The following COL18A1 variants were observed in gnomAD, a reference collection of about 807,000 sequenced individuals.
The protein encoded by COL18A1 is collagen alpha-1(XVIII) chain.
In COL18A1, 133 loss-of-function variants were observed where a neutral mutation model predicts 168.0. That is an observed-to-expected ratio of 0.79 (90% CI 0.69 to 0.91). COL18A1 has a LOEUF of 0.91. Ranked by LOEUF, COL18A1 falls within the 40% of genes least tolerant of loss-of-function variation. The pLI is 0.00. For missense variants in COL18A1, 2,126 were observed against 1,925.4 expected (o/e 1.10, Z -1.95); for synonymous variants, 949 against 809.0 (o/e 1.17, Z -2.94).
intron 8 of COL18A1, 56 bp downstream of exon 8, chr21:45,478,021 A>G: frequency 1.0e-6 from 1 of 982,960 alleles, no homozygotes; most frequent in South Asian, 1.4e-5. Flanking sequence ...GGGCTTGGGT[A>G]GGAGGGGGAG....
chr21:45,485,149 ATTTTTT>A (rs751718038), intron 15 of COL18A1, among the ~76,000 whole-genome samples: 6 of 55,084 alleles, frequency 1.1e-4, no homozygotes, highest in Non-Finnish European at 1.7e-4. Flanking sequence ...CACCTGGCTA[ATTTTTT>A]TTTTTTTTTT....
intron 2 of COL18A1, among the ~76,000 whole-genome samples, chr21:45,449,845 C>G (rs1008487846): frequency 2.0e-5 from 3 of 149,452 alleles, no homozygotes; most frequent in African/African-American, 7.4e-5. Flanking sequence ...GAGGTCCCGG[C>G]CAAGCAGCAG....
chr21:45,452,748 G>C (rs187203728), intron 2 of COL18A1, among the ~76,000 whole-genome samples: 33 of 151,736 alleles, frequency 2.2e-4, no homozygotes, highest in African/African-American at 8.0e-4. Context: ...ATATGTACGT[G>C]TGATTGTGTA....
chr21:45,477,549 C>T (rs979415470), intron 7 of COL18A1, 62 bp downstream of exon 7: 6 of 1,489,168 alleles, frequency 4.0e-6, no homozygotes, highest in African/African-American at 1.4e-5. Context: ...GCCTTTTGGG[C>T]CACTCACTGG....
rs993941169 is a variant in COL18A1, at chr21:45,443,251, G to A, written c.107-24991G>A. ...AGGTGCTTACCCCATGGCCCCAACCGGCACAAGTGTGGCTGTCACAGCTGG... is the reference window on the plus strand; with the variant it reads ...AGGTGCTTACCCCATGGCCCCAACCAGCACAAGTGTGGCTGTCACAGCTGG... On this transcript the variant is annotated intron_variant, in intron 2 of 41. Coordinates refer to ENST00000651438, the MANE Select transcript of COL18A1 (RefSeq NM_001379500.1). The surrounding 1 kb of genome is among the most constrained non-coding windows in gnomAD (Gnocchi z 5.2). 2.0e-5 allele frequency among the ~76,000 whole-genome samples: 3 copies of A among 152,080 alleles called. No homozygotes were observed. Among genetic ancestry groups the A allele is most frequent in the African/African-American group, 4.8e-5 (2 of 41,356 alleles).
At chr21:45,504,167 G>A in intron 33 of COL18A1, 113 bp downstream of exon 33, 2 of 1,259,138 alleles carry the variant, frequency 1.6e-6, no homozygotes, top group Non-Finnish European at 2.3e-6. Flanking sequence ...GTTCAGCCCT[G>A]CGAGGGGCGC....
intron 2 of COL18A1, among the ~76,000 whole-genome samples, chr21:45,433,850 G>T (rs2034028394): frequency 6.6e-6 from 1 of 152,372 alleles, no homozygotes; most frequent in Non-Finnish European, 1.5e-5. Flanking sequence ...GAGGGGCTGT[G>T]GCATGGCATG....
intron 31 of COL18A1, among the ~76,000 whole-genome samples, 177 bp from the exon 32 acceptor site, chr21:45,497,422 T>C (rs1352394487): frequency 6.6e-6 from 1 of 152,210 alleles, no homozygotes; most frequent in East Asian, 1.9e-4. Context: ...CATGGCCTGC[T>C]GACGGGGACC....
chr21:45,492,764 C>T (rs772745595), intron 24 of COL18A1, 51 bp downstream of exon 24: 1 of 1,444,452 alleles, frequency 6.9e-7, no homozygotes, highest in Non-Finnish European at 9.6e-7. Context: ...GGAGGGGTCT[C>T]CACCTGGTAG....
chr21:45,449,575 G>T (rs1179855395), intron 2 of COL18A1, among the ~76,000 whole-genome samples: 1 of 152,146 alleles, frequency 6.6e-6, no homozygotes, highest in Non-Finnish European at 1.5e-5. Flanking sequence ...GGCTTATGGG[G>T]CACCCTGAGC....
intron 17 of COL18A1, among the ~76,000 whole-genome samples, chr21:45,488,018 A>C (rs144995845): frequency 9.3e-4 from 142 of 152,228 alleles, no homozygotes; most frequent in African/African-American, 3.4e-3. Flanking sequence ...AGGGGCCACA[A>C]GCTCCTTCCT....
intron 2 of COL18A1, chr21:45,456,653 G>A: frequency 2.0e-6 from 3 of 1,535,344 alleles, no homozygotes; most frequent in Non-Finnish European, 2.6e-6. Flanking sequence ...GGCGTGGGGG[G>A]GCCTGCTGCA....
intron 40 of COL18A1, 70 bp downstream of exon 40, chr21:45,510,331 G>A (rs977551159): frequency 5.1e-5 from 76 of 1,502,898 alleles, no homozygotes; most frequent in Middle Eastern, 1.7e-4. Context: ...AACTCCCAGC[G>A]GGGAGCTCCC....
intron 2 of COL18A1, among the ~76,000 whole-genome samples, chr21:45,448,241 G>A (rs977314111): frequency 1.3e-5 from 2 of 152,124 alleles, no homozygotes; most frequent in African/African-American, 4.8e-5. Flanking sequence ...GCAAACACTT[G>A]CCACATTTTT....
At chr21:45,481,202 G>A (rs2035880192) in intron 13 of COL18A1, among the ~76,000 whole-genome samples, 1 of 152,200 alleles carries the variant, frequency 6.6e-6, no homozygotes, top group Non-Finnish European at 1.5e-5. Flanking sequence ...AGCATTGCTG[G>A]AGGGCCAGGG....
rs1220531833 is a variant in COL18A1, at chr21:45,487,435, T to C, written c.1834-12T>C. 6.2e-7 allele frequency: 1 copy of C among 1,612,614 alleles called. No individual in the cohort carries two copies. The highest frequency in any genetic ancestry group is 8.5e-7 in the Non-Finnish European group (1 of 1,179,962). ...GACACAGGCCCCTACGTGTCTCGTGTGTCTCTTCCAGGATGACATGGAAGG... is the reference window on the plus strand; with the variant it reads ...GACACAGGCCCCTACGTGTCTCGTGCGTCTCTTCCAGGATGACATGGAAGG... On this transcript the variant is annotated splice_polypyrimidine_tract_variant and intron_variant, in intron 16 of 41. Transcript: ENST00000651438.
chr21:45,482,027 T>G lies in COL18A1; in HGVS notation c.1674+2T>G. 6.2e-7 allele frequency: 1 copy of G among 1,612,676 alleles called. No homozygotes were observed. The highest frequency in any genetic ancestry group is 8.5e-7 in the Non-Finnish European group (1 of 1,178,944). ...AGGACTGGGCAGAAAGGCAGCCTGGTAAGTCTTCCCTCGAGTCCAGGGTGA... is the reference window on the plus strand; with the variant it reads ...AGGACTGGGCAGAAAGGCAGCCTGGGAAGTCTTCCCTCGAGTCCAGGGTGA... On this transcript the variant is annotated splice_donor_variant, in intron 14 of 41. Transcript: ENST00000651438. LOFTEE classifies it high-confidence loss of function.
In COL18A1 at chr21:45,507,588, G is replaced by C. The variant is rs760778769; in HGVS notation, c.3244G>C (p.Gly1082Arg). The change falls in exon 38 of 42, where the codon GGG becomes CGG. Residue 1082 changes from glycine (G) to arginine (R), a missense_variant. Coordinates refer to ENST00000651438, the MANE Select transcript of COL18A1 (RefSeq NM_001379500.1). Reference sequence around the variant, plus strand: ...GGAGGCCCGGACACCACTCCCACGAGGGACGGTAAGGAGCCTTTTTTCTGT... The same window carrying C: ...GGAGGCCCGGACACCACTCCCACGACGGACGGTAAGGAGCCTTTTTTCTGT... The part of the protein sequence containing the change: ...QLEARTPLPR[G>R]TDNEVAALQP... 2 of 1,613,102 alleles carry C rather than the reference G, an allele frequency of 1.2e-6. No homozygotes were observed. Among genetic ancestry groups the C allele is most frequent in the South Asian group, 1.1e-5 (1 of 91,040 alleles).
At chr21:45,488,587 C>G in intron 18 of COL18A1, 143 bp downstream of exon 18, 2 of 1,212,166 alleles carry the variant, frequency 1.6e-6, no homozygotes, top group Non-Finnish European at 2.4e-6. Context: ...TTGCAAAATA[C>G]AGCAAAAAAG....
Sources: allele counts gnomAD v4.1 joint callset (sites outside exome capture counted in the v4.1 genomes callset), GRCh38; gene constraint gnomAD v4.1.1; non-coding constraint Gnocchi (gnomAD v3.1); transcripts MANE v1.5; gene names NCBI Gene and HGNC (gene_info 2026-07-23, HGNC 2026-07-21).